THAP9: variants seen among roughly 807,000 people sequenced by gnomAD.
THAP9 encodes DNA transposase THAP9.
THAP9 carries 20 observed loss-of-function variants against 35.7 expected under a neutral mutation model. That is an observed-to-expected ratio of 0.56 (90% CI 0.39 to 0.81). The LOEUF (loss-of-function observed/expected upper bound fraction) is 0.81, where lower values mean the gene tolerates loss of function less well. Ranked by LOEUF, THAP9 falls within the 40% of genes least tolerant of loss-of-function variation. THAP9 has a pLI of 0.00. For synonymous variants in THAP9, 335 were observed against 373.7 expected (o/e 0.90, Z 1.19); for missense variants, 870 against 1,047.4 (o/e 0.83, Z 2.34).
intron 4 of THAP9, chr4:82,910,805 A>G: frequency 2.3e-6 from 1 of 432,070 alleles, no homozygotes; most frequent in Non-Finnish European, 4.7e-6. Context: ...TGCTGCTGGG[A>G]GATCAGGTAA....
intron 1 of THAP9, 108 bp downstream of exon 1, chr4:82,900,990 T>G (rs1453664327): frequency 7.1e-6 from 9 of 1,259,560 alleles, no homozygotes; most frequent in South Asian, 1.3e-5. Context: ...GCCGCGTGTG[T>G]GACGCGACGT....
chr4:82,915,239 ATTGTTTTGTTTTGTTTTGTTTTGTT>A (rs6148550), intron 4 of THAP9, among the ~76,000 whole-genome samples: 88 of 151,444 alleles, frequency 5.8e-4, no homozygotes, highest in African/African-American at 1.8e-3. Context: ...TAAGTATGTT[ATTGTTTTGTTTTGTTTTGTTTTGTT>A]TTGTTTTGTT....
At position 82,916,982 on chromosome 4, in the gene THAP9, G is replaced by A. The variant is rs1430508221; in HGVS notation, c.770G>A (p.Ser257Asn). The A allele has an allele frequency of 1.9e-6, 3 of 1,545,526 alleles. No homozygotes were observed. In the Admixed American group the frequency reaches 6.2e-5, roughly 32 times the overall value. The part of the protein sequence containing the change: ...SKCQPSPGFN[S>N]NIFSFLQRRV... ...TGCCAACCCAGTCCAGGTTTCAACA[G>A]CAACATTTTTTCTTTTCTTCAACGA... Residue 257 changes from serine (S) to asparagine (N), a missense_variant, in exon 5 of 5, where the codon AGC (serine) becomes AAC (asparagine). By Grantham distance (46) the Ser-to-Asn change is conservative. Transcript: ENST00000302236.
At chr4:82,910,728 A>T (rs1359426142) in intron 4 of THAP9, 1 of 529,804 alleles carries the variant, frequency 1.9e-6, no homozygotes, top group African/African-American at 1.9e-5. Context: ...GAAAACCAGG[A>T]GATTGTGATG....
intron 2 of THAP9, chr4:82,905,979 C>CA (rs1720630863): frequency 1.1e-5 from 5 of 457,204 alleles, no homozygotes; most frequent in Non-Finnish European, 2.2e-5. Flanking sequence ...CTTTTTTGCA[C>CA]AAATAACTTC....
intron 1 of THAP9, 84 bp downstream of exon 1, chr4:82,900,966 G>A: frequency 1.3e-6 from 2 of 1,497,562 alleles, no homozygotes; most frequent in Non-Finnish European, 9.2e-7. Flanking sequence ...GGGCCGGGCC[G>A]CACTGTGGGT....
chr4:82,905,356 TG>T (rs1384121492), intron 2 of THAP9, among the ~76,000 whole-genome samples: 1 of 152,196 alleles, frequency 6.6e-6, no homozygotes, highest in East Asian at 1.9e-4. Context: ...TGGGAAATAA[TG>T]AAACTTTCTA....
At position 82,916,982 on chromosome 4, in the gene THAP9, G is replaced by C; in HGVS notation, c.770G>C (p.Ser257Thr). Residue 257 changes from serine to threonine, a missense_variant, in exon 5 of 5, where the codon AGC becomes ACC. Around this residue, in one of 3 missense-constraint regions of THAP9, gnomAD observed 440 missense variants for 501.2 expected, o/e 0.88. Transcript: ENST00000302236. ...TGCCAACCCAGTCCAGGTTTCAACA[G>C]CAACATTTTTTCTTTTCTTCAACGA... ...SKCQPSPGFNSNIFSFLQRRV... is the reference protein window; with the variant it reads ...SKCQPSPGFNTNIFSFLQRRV... 1 of 1,545,644 alleles carries C rather than the reference G, an allele frequency of 6.5e-7. No individual in the cohort carries two copies. Among genetic ancestry groups the C allele is most frequent in the Non-Finnish European group, 8.7e-7 (1 of 1,148,204 alleles).
chr4:82,906,515 A>G lies in THAP9; in HGVS notation c.468A>G (p.Val156=), dbSNP rs770580745. The change falls in exon 3 of 5, where the codon GTA becomes GTG. Residue 156 remains valine (V), a synonymous_variant. Coordinates refer to ENST00000302236, the MANE Select transcript of THAP9 (RefSeq NM_024672.6). ...TGTCCAAAAAAAGACTTATCTCCGTAAAGAACTACAGGATGATCAAGAAGA... is the reference window on the plus strand; with the variant it reads ...TGTCCAAAAAAAGACTTATCTCCGTGAAGAACTACAGGATGATCAAGAAGA... The part of the protein sequence containing the change: ...LQVSKKRLIS[V]KNYRMIKKRK... The G allele has an allele frequency of 2.7e-5, 44 of 1,613,762 alleles. No homozygotes were observed. The Middle Eastern group carries it at 2.8e-3, about 103-fold the overall frequency.
rs201644848 is a variant in THAP9 at position 82,904,766 on chromosome 4, A to G, written c.111A>G (p.Lys37=). The G allele has an allele frequency of 5.6e-6, 9 of 1,614,146 alleles. No individual in the cohort carries two copies. In the East Asian group the frequency reaches 2.0e-4, roughly 36 times the overall value. Residue 37 remains lysine, a synonymous_variant, in exon 2 of 5, where the codon AAA becomes AAG. Transcript: ENST00000302236. ...CAACTGATACCATACAGCGCTCAAA[A>G]TGGATCAGGGCTGTTAATCGTGTGG... ...QFPTDTIQRS[K]WIRAVNRVDP...
chr4:82,910,243 T>C (rs1720816938), intron 4 of THAP9: 1 of 152,134 alleles, frequency 6.6e-6, no homozygotes, highest in East Asian at 1.9e-4. Context: ...ACTTAAACAG[T>C]TGCTCATTTC....
At position 82,900,797 on chromosome 4, in the gene THAP9, A is replaced by T. The variant is rs1263144185; in HGVS notation, c.-6A>T. ...CCCCGAAGGTGGGGCCCCACGTAACAAGAAGATGACCCGAAGTTGCTCCGC... is the reference window on the plus strand; with the variant it reads ...CCCCGAAGGTGGGGCCCCACGTAACTAGAAGATGACCCGAAGTTGCTCCGC... On this transcript the variant is annotated 5_prime_UTR_variant, in exon 1 of 5. Transcript: ENST00000302236. 3 of 1,613,648 alleles carry T rather than the reference A, an allele frequency of 1.9e-6. No individual in the cohort carries two copies. The Admixed American group carries it at 5.0e-5, about 27-fold the overall frequency.
chr4:82,912,548 T>C lies in THAP9; in HGVS notation c.732-4396T>C, dbSNP rs147080161. Among the ~76,000 whole-genome samples, 496 of 152,334 alleles carry C rather than the reference T, an allele frequency of 3.3e-3. 1 individual carries two copies. Among genetic ancestry groups the C allele is most frequent in the African/African-American group, 0.011 (476 of 41,566 alleles). ...TATATTGGTTTGTTAATTTAAAATA[T>C]CGTGTTGATGAGAGTATAAATGAAA... On this transcript the variant is annotated intron_variant, in intron 4 of 4. Coordinates refer to ENST00000302236, the MANE Select transcript of THAP9 (RefSeq NM_024672.6).
intron 4 of THAP9, among the ~76,000 whole-genome samples, chr4:82,915,604 T>C (rs1721010902): frequency 6.6e-6 from 1 of 152,004 alleles, no homozygotes; most frequent in South Asian, 2.1e-4. Context: ...AATTAGTGGG[T>C]CATAATTGCC....
chr4:82,912,306 T>C (rs1034767720), intron 4 of THAP9, among the ~76,000 whole-genome samples: 3 of 150,112 alleles, frequency 2.0e-5, no homozygotes, highest in Non-Finnish European at 4.5e-5. Flanking sequence ...ATTTCCTCTG[T>C]TTCTAATTTT....
chr4:82,905,476 G>A (rs1720606422), intron 2 of THAP9, among the ~76,000 whole-genome samples: 1 of 152,058 alleles, frequency 6.6e-6, no homozygotes, highest in Non-Finnish European at 1.5e-5. Flanking sequence ...TTCACTTTCT[G>A]CACAGTCTGT....
At chr4:82,907,267 A>C (rs1374578360) in intron 3 of THAP9, among the ~76,000 whole-genome samples, 1 of 152,168 alleles carries the variant, frequency 6.6e-6, no homozygotes, top group Non-Finnish European at 1.5e-5. Flanking sequence ...AGAAAAGAGT[A>C]GCTATCTCCA....
At chr4:82,912,668 T>C (rs1720904384) in intron 4 of THAP9, among the ~76,000 whole-genome samples, 1 of 152,210 alleles carries the variant, frequency 6.6e-6, no homozygotes, top group African/African-American at 2.4e-5. Flanking sequence ...AATCCTAAAT[T>C]TGTCTTTAAT....
chr4:82,913,055 T>A (rs1478215987), intron 4 of THAP9, among the ~76,000 whole-genome samples: 2 of 152,192 alleles, frequency 1.3e-5, no homozygotes, highest in South Asian at 2.1e-4. Context: ...ATTGTTTTTT[T>A]AAAAAGAATG....
Sources: gnomAD v4.1 joint callset for allele counts (sites outside exome capture counted in the v4.1 genomes callset) on GRCh38, gnomAD v4.1.1 for gene constraint, gnomAD v4.1.1 regional missense constraint, MANE v1.5 for transcripts, NCBI Gene and HGNC (gene_info 2026-07-23, HGNC 2026-07-21) for gene names.